Variants in NAALADL2 observed in about 807,000 individuals in gnomAD.
NAALADL2 encodes the protein inactive N-acetylated-alpha-linked acidic dipeptidase-like protein 2.
NAALADL2 carries 76 observed loss-of-function variants against 87.2 expected under a neutral mutation model. That is an observed-to-expected ratio of 0.87 (90% CI 0.72 to 1.05). The LOEUF (loss-of-function observed/expected upper bound fraction) is 1.05, where lower values mean the gene tolerates loss of function less well. Ranked by LOEUF, NAALADL2 falls within the 50% of genes least tolerant of loss-of-function variation. The pLI is 0.00. For missense variants in NAALADL2, 1,089 were observed against 945.8 expected (o/e 1.15, Z -1.99); for synonymous variants, 354 against 331.0 (o/e 1.07, Z -0.75).
intron 5 of NAALADL2, among the ~76,000 whole-genome samples, chr3:175,415,469 C>A (rs1261966034): frequency 6.6e-6 from 1 of 151,946 alleles, no homozygotes; most frequent in African/African-American, 2.4e-5. Flanking sequence ...TGTTACATTG[C>A]TAACAGGGTA....
At chr3:175,230,936 T>A (rs947995987) in intron 2 of NAALADL2, among the ~76,000 whole-genome samples, 1 of 151,998 alleles carries the variant, frequency 6.6e-6, no homozygotes, top group African/African-American at 2.4e-5. Flanking sequence ...TGCATATGTC[T>A]ATCAGGAAAC....
At chr3:175,434,361 G>A (rs2193837) in intron 5 of NAALADL2, among the ~76,000 whole-genome samples, 108,564 of 151,846 alleles carry the variant, frequency 0.71, 39,321 homozygotes, top group Middle Eastern at 0.8. Flanking sequence ...ACTGGTCTCC[G>A]AACCCCAGGC....
At chr3:175,489,323 C>A (rs765131130) in intron 9 of NAALADL2, among the ~76,000 whole-genome samples, 4 of 151,968 alleles carry the variant, frequency 2.6e-5, no homozygotes, top group Non-Finnish European at 4.4e-5. Context: ...TATTTGGTTG[C>A]ATGGATTGAT....
At chr3:175,686,678 ATTTTC>A (rs1341817062) in intron 11 of NAALADL2, among the ~76,000 whole-genome samples, 2 of 152,100 alleles carry the variant, frequency 1.3e-5, no homozygotes, top group African/African-American at 4.8e-5. Context: ...GCTTTAGATT[ATTTTC>A]TTCGTGAAGA....
chr3:174,457,246 C>T (rs1334083304), intron 1 of NAALADL2, among the ~76,000 whole-genome samples: 2 of 152,152 alleles, frequency 1.3e-5, no homozygotes, highest in African/African-American at 2.4e-5. Flanking sequence ...CACTTAGACA[C>T]TGTTGTTGGG....
At position 175,524,311 on chromosome 3, in the gene NAALADL2, C is replaced by T. The variant is rs1002392359; in HGVS notation, c.1654-51730C>T. 1.2e-4 allele frequency among the ~76,000 whole-genome samples: 19 copies of T among 152,228 alleles called. 1 individual carries two copies. Among genetic ancestry groups the T allele is most frequent in the Admixed American group, 7.8e-4 (12 of 15,296 alleles). ...GGGCAGAATATTAGATTATCTAGAG[C>T]AAGGTTTCTAAACAGTGACATTAGT... On this transcript the variant is annotated intron_variant, in intron 9 of 13. Coordinates refer to ENST00000454872, the MANE Select transcript of NAALADL2 (RefSeq NM_207015.3).
chr3:175,327,397 C>T (rs983840085), intron 5 of NAALADL2, among the ~76,000 whole-genome samples: 5 of 152,066 alleles, frequency 3.3e-5, no homozygotes, highest in South Asian at 2.1e-4. Flanking sequence ...CCTCGTGATC[C>T]GCCCACCTCG....
chr3:175,256,630 G>A (rs1284668416), intron 4 of NAALADL2, 100 bp downstream of exon 4: 3 of 1,132,116 alleles, frequency 2.6e-6, no homozygotes, highest in African/African-American at 1.6e-5. Flanking sequence ...TGTGCATATA[G>A]GTGTGTGAGA....
intron 4 of NAALADL2, among the ~76,000 whole-genome samples, chr3:175,305,250 A>ATGTGTG (rs66513736): frequency 6.7e-6 from 1 of 148,650 alleles, no homozygotes; most frequent in Non-Finnish European, 1.5e-5. Flanking sequence ...GTGTTTGTGT[A>ATGTGTG]TGTGTGTGTG....
chr3:175,407,516 C>G (rs933234004), intron 5 of NAALADL2, among the ~76,000 whole-genome samples: 24 of 152,138 alleles, frequency 1.6e-4, no homozygotes, highest in African/African-American at 5.8e-4. Flanking sequence ...TGTTTCCCTA[C>G]TACTACCCAG....
chr3:175,531,454 G>A (rs758385569), intron 9 of NAALADL2, among the ~76,000 whole-genome samples: 8 of 152,188 alleles, frequency 5.3e-5, no homozygotes, highest in Admixed American at 1.3e-4. Context: ...CAATAAGTCT[G>A]GTGTGTTTGC....
At chr3:174,943,293 G>A (rs1229128250) in intron 1 of NAALADL2, among the ~76,000 whole-genome samples, 1 of 152,122 alleles carries the variant, frequency 6.6e-6, no homozygotes, top group Non-Finnish European at 1.5e-5. Context: ...TTCAGAGGGT[G>A]GTATGTTAGT....
rs772289136 is a variant in NAALADL2 at position 174,787,844 on chromosome 3, G to A, written c.-9+50098G>A. Among the ~76,000 whole-genome samples, 17 of 151,448 alleles carry A rather than the reference G, an allele frequency of 1.1e-4. 1 individual carries two copies. The highest frequency in any genetic ancestry group is 2.6e-4 in the Admixed American group (4 of 15,122). Reference sequence around the variant, plus strand: ...TTTACCTAAATATTTGTCACCACCAGAGTTGGAAAAGAAGTAGATTCAGTT... The same window carrying A: ...TTTACCTAAATATTTGTCACCACCAAAGTTGGAAAAGAAGTAGATTCAGTT... On this transcript the variant is annotated intron_variant, in intron 3 of 3. Coordinates refer to the NAALADL2 transcript ENST00000434257.
At chr3:174,697,615 G>C (rs1440163640) in intron 2 of NAALADL2, among the ~76,000 whole-genome samples, 1 of 152,004 alleles carries the variant, frequency 6.6e-6, no homozygotes, top group Non-Finnish European at 1.5e-5. Context: ...AACTGAGGCA[G>C]GTATGAGGGA....
intron 13 of NAALADL2, among the ~76,000 whole-genome samples, chr3:175,767,385 A>C (rs73171463): frequency 6.6e-6 from 1 of 152,082 alleles, no homozygotes; most frequent in South Asian, 2.1e-4. Context: ...ACTGCAACAA[A>C]CCCTCAAATT....
intron 9 of NAALADL2, among the ~76,000 whole-genome samples, chr3:175,537,327 A>G (rs1488025448): frequency 2.0e-5 from 3 of 152,212 alleles, no homozygotes; most frequent in African/African-American, 7.2e-5. Flanking sequence ...ACAATTTATT[A>G]TATCACTGTA....
intron 1 of NAALADL2, among the ~76,000 whole-genome samples, chr3:174,863,107 A>G (rs529739535): frequency 1.5e-3 from 222 of 152,238 alleles, no homozygotes; most frequent in Middle Eastern, 0.01. Context: ...TCTCAAGTCC[A>G]ATGTTTTTAC....
At chr3:175,041,354 A>T (rs1489690414) in intron 1 of NAALADL2, among the ~76,000 whole-genome samples, 1 of 152,188 alleles carries the variant, frequency 6.6e-6, no homozygotes, top group Non-Finnish European at 1.5e-5. Flanking sequence ...TTCTAAGAAT[A>T]TCTATTTGCA....
chr3:175,494,362 T>C (rs368280359), intron 9 of NAALADL2, among the ~76,000 whole-genome samples: 40 of 152,184 alleles, frequency 2.6e-4, no homozygotes, highest in African/African-American at 9.4e-4. Context: ...AATCCCAGAG[T>C]AACAATGTCT....
Sources: gnomAD v4.1 joint callset for allele counts (sites outside exome capture counted in the v4.1 genomes callset) on GRCh38, gnomAD v4.1.1 for gene constraint, MANE v1.5 for transcripts, NCBI Gene and HGNC (gene_info 2026-07-23, HGNC 2026-07-21) for gene names.